ITGB2: variants seen among roughly 807,000 people sequenced by gnomAD.
ITGB2 encodes the protein integrin subunit beta 2, also known as integrin beta-2.
ITGB2 carries 56 observed loss-of-function variants against 86.8 expected under a neutral mutation model. That is an observed-to-expected ratio of 0.65 (90% confidence interval 0.52 to 0.81). ITGB2 has a LOEUF of 0.81. Ranked by LOEUF, ITGB2 falls within the 30% of genes least tolerant of loss-of-function variation. The probability of loss-of-function intolerance (pLI) is 0.00; values close to 1 mark genes in which losing one functional copy is unlikely to be tolerated. For missense variants in ITGB2, 948 were observed against 1,061.2 expected, an observed-to-expected ratio of 0.89 and a Z score of 1.48; for synonymous variants, 457 against 450.4, an observed-to-expected ratio of 1.01 and a Z score of -0.19.
At chr21:44,907,904 C>T (rs1248859520) in intron 3 of ITGB2, 5 of 590,912 alleles carry the variant, frequency 8.5e-6, no homozygotes, top group South Asian at 2.1e-5. Context: ...TAAAGAAGTC[C>T]TCCAGAAATA....
intron 1 of ITGB2, among the ~76,000 whole-genome samples, chr21:44,912,710 T>C (rs1003577685): frequency 5.9e-5 from 9 of 152,094 alleles, no homozygotes; most frequent in African/African-American, 1.9e-4. Context: ...GTCCTGCGCC[T>C]GGACTGACCT....
intron 8 of ITGB2, among the ~76,000 whole-genome samples, chr21:44,896,439 T>C (rs1028514308): frequency 2.0e-5 from 3 of 152,234 alleles, no homozygotes; most frequent in African/African-American, 7.2e-5. Flanking sequence ...CATGCTCAGC[T>C]TCTTTCATGG....
At chr21:44,899,253 T>C (rs1601299745) in intron 7 of ITGB2, 91 bp from the exon 8 acceptor site, 12 of 980,448 alleles carry the variant, frequency 1.2e-5, no homozygotes, top group South Asian at 9.5e-5. Context: ...GCGTCAGCCC[T>C]GCCCGTGCTT....
chr21:44,907,122 A>AG, intron 3 of ITGB2, 27 bp from the exon 4 acceptor site: 1 of 1,553,618 alleles, frequency 6.4e-7, no homozygotes, highest in Non-Finnish European at 8.8e-7. Flanking sequence ...AGGGGTCAGG[A>AG]GGGGGCCACA....
At chr21:44,909,062 G>A (rs374088019) in intron 3 of ITGB2, among the ~76,000 whole-genome samples, 8 of 152,224 alleles carry the variant, frequency 5.3e-5, no homozygotes, top group Non-Finnish European at 8.8e-5. Flanking sequence ...GGACCAGCAC[G>A]GCACCAATCT....
Position 44,886,128 on chromosome 21 carries a change from C to T in ITGB2, c.*240G>A. On this transcript the variant is annotated 3_prime_UTR_variant, in exon 16 of 16. Coordinates refer to ENST00000652462, the MANE Select transcript of ITGB2 (RefSeq NM_000211.5). ...CACAGGAAACACGCACCTAACCTCA[C>T]CAACCTCAAGCCCTCCCTCCTCAAG... 1.7e-6 allele frequency: 1 copy of T among 583,384 alleles called. No homozygotes were observed. The highest frequency in any genetic ancestry group is 2.0e-5 in the South Asian group (1 of 51,158). 36.1% of individuals were successfully genotyped at this position (583,384 alleles called of 1,614,324 possible). A position where few individuals can be genotyped will look rare whatever the true frequency, so the allele number is the denominator to read the frequency against.
upstream of ITGB2, among the ~76,000 whole-genome samples, chr21:44,925,377 G>T (rs1275714190): frequency 7.0e-6 from 1 of 143,348 alleles, no homozygotes; most frequent in Admixed American, 7.0e-5. Flanking sequence ...GACAGAGTAA[G>T]ATCCTGTCAG....
intron 1 of ITGB2, among the ~76,000 whole-genome samples, chr21:44,919,719 C>G (rs1401588487): frequency 6.6e-6 from 1 of 152,332 alleles, no homozygotes; most frequent in South Asian, 2.1e-4. Context: ...CCCATTGCAG[C>G]CATGCCACCC....
upstream of ITGB2, among the ~76,000 whole-genome samples, chr21:44,924,758 C>G (rs1324465683): frequency 1.3e-5 from 2 of 152,164 alleles, no homozygotes; most frequent in African/African-American, 2.4e-5. Context: ...GTGCCACACT[C>G]ACGCTACGGG....
At chr21:44,906,820 G>A in intron 4 of ITGB2, 95 bp downstream of exon 4, 2 of 1,358,938 alleles carry the variant, frequency 1.5e-6, no homozygotes, top group Non-Finnish European at 2.1e-6. Flanking sequence ...ATGCCTTCTG[G>A]GCAGCCCTGA....
intron 7 of ITGB2, 44 bp from the exon 8 acceptor site, chr21:44,899,206 A>C: frequency 6.8e-7 from 1 of 1,461,398 alleles, no homozygotes; most frequent in Non-Finnish European, 9.6e-7. Flanking sequence ...AGTCCAGGAC[A>C]AGGCTTCCAG....
intron 13 of ITGB2, 94 bp downstream of exon 13, chr21:44,889,182 G>A: frequency 8.1e-7 from 1 of 1,237,776 alleles, no homozygotes; most frequent in South Asian, 1.3e-5. Context: ...CGGTGCAGAG[G>A]TGCTCACTGG....
At chr21:44,916,871 G>GAA (rs11404188) in intron 1 of ITGB2, among the ~76,000 whole-genome samples, 55 of 69,038 alleles carry the variant, frequency 8.0e-4, no homozygotes, top group African/African-American at 2.0e-3. Flanking sequence ...TGTCTCAAAA[G>GAA]AAAAAAAAAA....
intron 3 of ITGB2, chr21:44,908,149 C>A (rs746475756): frequency 2.7e-6 from 2 of 744,166 alleles, no homozygotes; most frequent in Non-Finnish European, 5.0e-6. Flanking sequence ...CTGCTCGCCG[C>A]GGTGGCGTGG....
At chr21:44,899,469 C>T (rs937290311) in intron 7 of ITGB2, among the ~76,000 whole-genome samples, 4 of 152,232 alleles carry the variant, frequency 2.6e-5, no homozygotes, top group East Asian at 3.8e-4. Context: ...GACCTGCTTT[C>T]GCACTGAGGG....
At chr21:44,889,851 G>T (rs2083759720) in intron 12 of ITGB2, 127 bp downstream of exon 12, 3 of 1,390,618 alleles carry the variant, frequency 2.2e-6, no homozygotes, top group Non-Finnish European at 3.0e-6. Flanking sequence ...GGCTGGGCGA[G>T]ACTTGCACTG....
At chr21:44,904,728 A>T (rs920546663) in intron 4 of ITGB2, among the ~76,000 whole-genome samples, 1 of 151,688 alleles carries the variant, frequency 6.6e-6, no homozygotes, top group East Asian at 1.9e-4. Flanking sequence ...TGCCACACAC[A>T]TATACACATG....
rs2084107074 is a variant in ITGB2, at chr21:44,910,142, G to C, written c.147+142C>G. 2.9e-6 allele frequency: 3 copies of C among 1,030,786 alleles called. No homozygotes were observed. The South Asian group carries it at 4.8e-5, about 16-fold the overall frequency. 63.9% of individuals were successfully genotyped at this position (1,030,786 alleles called of 1,614,324 possible). A position where few individuals can be genotyped will look rare whatever the true frequency, so the allele number is the denominator to read the frequency against. On this transcript the variant is annotated intron_variant, in intron 3 of 15. Transcript: ENST00000652462. ...CATCAGAACCTCAGGGGCCCCTTGA[G>C]GGGAGGGTGAGGCCAGGGTCTGGGG...
intron 14 of ITGB2, among the ~76,000 whole-genome samples, chr21:44,887,315 G>C (rs1189491868): frequency 6.6e-6 from 1 of 152,182 alleles, no homozygotes; most frequent in African/African-American, 2.4e-5. Flanking sequence ...TGGTCGTCAA[G>C]GACAAGACCA....
Sources: allele counts gnomAD v4.1 joint callset (sites outside exome capture counted in the v4.1 genomes callset), GRCh38; gene constraint gnomAD v4.1.1; transcripts MANE v1.5; gene names NCBI Gene and HGNC (gene_info 2026-07-23, HGNC 2026-07-21).